Variants in ENTREP2 observed in about 807,000 individuals in gnomAD.
ENTREP2 encodes protein ENTREP2.
the ENTREP2 span, among the ~76,000 whole-genome samples, chr15:29,661,104 G>C: frequency 6.6e-6 from 1 of 152,158 alleles, no homozygotes; most frequent in Non-Finnish European, 1.5e-5. Flanking sequence ...ATGAAAATTA[G>C]TAAACAAGGC....
chr15:29,391,468 T>A, the ENTREP2 span, among the ~76,000 whole-genome samples: 3 of 152,234 alleles, frequency 2.0e-5, no homozygotes, highest in East Asian at 1.9e-4. Context: ...GATCACCTCA[T>A]GAAAGAGAAA....
chr15:29,159,296 C>T, the ENTREP2 span, among the ~76,000 whole-genome samples: 1 of 151,956 alleles, frequency 6.6e-6, no homozygotes, highest in African/African-American at 2.4e-5. Flanking sequence ...CCGATAGGTT[C>T]GTGGTCTCGC....
chr15:29,191,556 G>A, the ENTREP2 span, among the ~76,000 whole-genome samples: 1 of 152,012 alleles, frequency 6.6e-6, no homozygotes, highest in Non-Finnish European at 1.5e-5. Flanking sequence ...CAAGACTCAA[G>A]ATCACATCGC....
the ENTREP2 span, among the ~76,000 whole-genome samples, chr15:29,638,516 T>C: frequency 2.4e-3 from 369 of 152,320 alleles, 1 homozygote; most frequent in African/African-American, 8.5e-3. Context: ...TTCAGTCACA[T>C]TGTGCTCACT....
the ENTREP2 span, among the ~76,000 whole-genome samples, chr15:29,623,053 G>A: frequency 6.6e-6 from 1 of 152,198 alleles, no homozygotes; most frequent in Admixed American, 6.5e-5. Context: ...TACAGCAAAA[G>A]CTATAATGCT....
At chr15:29,322,572 T>C in the ENTREP2 span, among the ~76,000 whole-genome samples, 1,867 of 152,354 alleles carry the variant, frequency 0.012, 47 homozygotes, top group African/African-American at 0.043. Context: ...GAAGCTGCCT[T>C]TCCTTTTGTT....
At chr15:29,427,164 A>G in the ENTREP2 span, among the ~76,000 whole-genome samples, 1 of 152,166 alleles carries the variant, frequency 6.6e-6, no homozygotes, top group Admixed American at 6.5e-5. Context: ...CTGAGTATAT[A>G]TACTATTAAT....
the ENTREP2 span, among the ~76,000 whole-genome samples, chr15:29,170,917 A>G: frequency 6.6e-6 from 1 of 152,224 alleles, no homozygotes; most frequent in Admixed American, 6.5e-5. Context: ...ATGTAAGTCT[A>G]TTTGGCCCAC....
chr15:29,631,117 C>CT, the ENTREP2 span, among the ~76,000 whole-genome samples: 1 of 152,104 alleles, frequency 6.6e-6, no homozygotes, highest in South Asian at 2.1e-4. Flanking sequence ...CATTTAGTTC[C>CT]TTTTTTACAT....
chr15:29,131,328 C>T, the ENTREP2 span, among the ~76,000 whole-genome samples: 101 of 151,932 alleles, frequency 6.6e-4, no homozygotes, highest in Middle Eastern at 6.8e-3. Flanking sequence ...TCTGCTGGTC[C>T]CTCTCCCTTC....
chr15:29,258,081 C>CA, the ENTREP2 span, among the ~76,000 whole-genome samples: 1 of 152,030 alleles, frequency 6.6e-6, no homozygotes, highest in African/African-American at 2.4e-5. Flanking sequence ...GGCGTGCTGG[C>CA]ACGCGCCTGT....
chr15:29,510,951 A>T, the ENTREP2 span, among the ~76,000 whole-genome samples: 4 of 152,136 alleles, frequency 2.6e-5, no homozygotes, highest in Non-Finnish European at 5.9e-5. Context: ...GAGAAAACCA[A>T]ACACCACATA....
chr15:29,572,228 T>TA, the ENTREP2 span, among the ~76,000 whole-genome samples: 8 of 152,208 alleles, frequency 5.3e-5, no homozygotes, highest in Non-Finnish European at 1.0e-4. Context: ...ATTCCACAGA[T>TA]AGAGTGACTG....
At chr15:29,292,582 T>C in the ENTREP2 span, among the ~76,000 whole-genome samples, 329 of 152,300 alleles carry the variant, frequency 2.2e-3, 3 homozygotes, top group African/African-American at 7.6e-3. Flanking sequence ...GGTTTCACCA[T>C]GTTGTCCAGG....
chr15:29,431,317 CTT>C, the ENTREP2 span, among the ~76,000 whole-genome samples: 1 of 152,106 alleles, frequency 6.6e-6, no homozygotes, highest in Non-Finnish European at 1.5e-5. Flanking sequence ...TCCTATATAA[CTT>C]ATGGTTTTTA....
At chr15:29,657,478 G>GGGGGGGGGC in the ENTREP2 span, among the ~76,000 whole-genome samples, 1 of 110,738 alleles carries the variant, frequency 9.0e-6, no homozygotes, top group African/African-American at 3.7e-5. Flanking sequence ...TGTCGGCTGG[G>GGGGGGGGGC]GGGGCGGGGG....
chr15:29,361,752 C>G, the ENTREP2 span, among the ~76,000 whole-genome samples: 2 of 152,132 alleles, frequency 1.3e-5, no homozygotes, highest in African/African-American at 4.8e-5. Flanking sequence ...ACAGATAGAA[C>G]AAGGAACTGC....
chr15:29,567,606 C>T, the ENTREP2 span, among the ~76,000 whole-genome samples: 1 of 152,282 alleles, frequency 6.6e-6, no homozygotes, highest in African/African-American at 2.4e-5. Flanking sequence ...AGGCTCAGTT[C>T]TGCTGTGTTC....
At chr15:29,234,645 T>A in the ENTREP2 span, 1 of 1,562,142 alleles carries the variant, frequency 6.4e-7, no homozygotes, top group South Asian at 1.1e-5. Context: ...CACCTACCAG[T>A]TCTATCTTCA....
Sources: gnomAD v4.1 joint callset for allele counts (sites outside exome capture counted in the v4.1 genomes callset) on GRCh38, gnomAD v4.1.1 for gene constraint, MANE v1.5 for transcripts, NCBI Gene and HGNC (gene_info 2026-07-23, HGNC 2026-07-21) for gene names.